SLC12A7: variants seen among roughly 807,000 people sequenced by gnomAD.
The protein encoded by SLC12A7 is K-Cl cotransporter 4.
SLC12A7 carries 100 observed loss-of-function variants against 120.6 expected under a neutral mutation model. The observed-to-expected ratio is 0.83, with a 90% CI of 0.71 to 0.98. The LOEUF (loss-of-function observed/expected upper bound fraction) is 0.98. Ranked by LOEUF, SLC12A7 falls within the 50% of genes least tolerant of loss-of-function variation. The probability of loss-of-function intolerance (pLI) is 0.00; values close to 1 mark genes in which losing one functional copy is unlikely to be tolerated. For synonymous variants in SLC12A7, 760 were observed against 678.0 expected, an observed-to-expected ratio of 1.12 and a Z score of -1.88; for missense variants, 1,373 against 1,548.1, an observed-to-expected ratio of 0.89 and a Z score of 1.90.
chr5:1,145,458 G>T, the SLC12A7 span, among the ~76,000 whole-genome samples: 1 of 152,218 alleles, frequency 6.6e-6, no homozygotes, highest in Non-Finnish European at 1.5e-5. This position sits in a 1 kb window ranked among gnomAD's most constrained non-coding sequence, Gnocchi z 4.4. Context: ...ATCGGAGGCT[G>T]CAGGCTGCCT....
At chr5:1,080,325 C>T (rs1343736164) in intron 9 of SLC12A7, among the ~76,000 whole-genome samples, 1 of 58,452 alleles carries the variant, frequency 1.7e-5, no homozygotes, top group African/African-American at 4.4e-5. Context: ...TGCCCCCACG[C>T]CCTCCACCCA....
intron 1 of SLC12A7, among the ~76,000 whole-genome samples, chr5:1,108,753 G>A (rs1392979670): frequency 6.6e-6 from 1 of 152,242 alleles, no homozygotes; most frequent in Non-Finnish European, 1.5e-5. Flanking sequence ...GCACCCGACA[G>A]GCGAGGACGG....
intron 1 of SLC12A7, 96 bp from the exon 2 acceptor site, chr5:1,094,344 C>CA (rs1740869837): frequency 1.2e-6 from 1 of 811,108 alleles, no homozygotes; most frequent in African/African-American, 1.7e-5. Flanking sequence ...CTCTGGTCCC[C>CA]ACCAGCTGTC....
chr5:1,087,237 A>G lies in SLC12A7; in HGVS notation c.545-204T>C, dbSNP rs4975669. On this transcript the variant is annotated intron_variant, in intron 5 of 23. Coordinates refer to ENST00000264930, the MANE Select transcript of SLC12A7 (RefSeq NM_006598.3). ...CGAGGCTCGGCACACGTTCCACACCAAGAGCACGCGCTCTCATGGACATGA... is the reference window on the plus strand; with the variant it reads ...CGAGGCTCGGCACACGTTCCACACCGAGAGCACGCGCTCTCATGGACATGA... 0.92 allele frequency among the ~76,000 whole-genome samples: 139,497 copies of G among 152,190 alleles called. 65,097 individuals carry two copies. The highest frequency in any genetic ancestry group is 1 in the East Asian group (5,148 of 5,148).
chr5:1,053,651 G>A (rs1005453224), intron 22 of SLC12A7, among the ~76,000 whole-genome samples, 169 bp from the exon 23 acceptor site: 1 of 152,252 alleles, frequency 6.6e-6, no homozygotes, highest in Non-Finnish European at 1.5e-5. Flanking sequence ...GCGGCTCCGA[G>A]CGAAAGGCGC....
At chr5:1,142,888 G>A in the SLC12A7 span, among the ~76,000 whole-genome samples, 6 of 152,052 alleles carry the variant, frequency 3.9e-5, no homozygotes, top group Non-Finnish European at 7.4e-5. Flanking sequence ...AGGTAAGGGG[G>A]AGTAGGTCAG....
rs755960980 is a variant in SLC12A7 at position 1,076,237 on chromosome 5, C to G, written c.1749-1G>C. 4 of 1,606,332 alleles carry G rather than the reference C, an allele frequency of 2.5e-6. No individual in the cohort carries two copies. Among genetic ancestry groups the G allele is most frequent in the Admixed American group, 3.4e-5 (2 of 59,336 alleles). On this transcript the variant is annotated splice_acceptor_variant, in intron 13 of 23. Coordinates refer to ENST00000264930, the MANE Select transcript of SLC12A7 (RefSeq NM_006598.3). LOFTEE classifies it high-confidence loss of function. The stretch of plus-strand genomic sequence containing the variant: ...GAACAGGTAGCACATGAGGAAGAAC[C>G]TGCAGGGACGGCCGGCCACTGATAC...
intron 9 of SLC12A7, 66 bp downstream of exon 9, chr5:1,081,511 G>A: frequency 6.5e-7 from 1 of 1,530,836 alleles, no homozygotes; most frequent in African/African-American, 1.4e-5. Flanking sequence ...GACAGAGCAA[G>A]ACCTTGCCTC....
rs188646618 is a variant in SLC12A7, at chr5:1,062,524, G to A, written c.2739+1320C>T. On this transcript the variant is annotated intron_variant, in intron 20 of 23. Transcript: ENST00000264930. ...TAGGAAAGGTCCTGCAGGGCAAGAG[G>A]AAGAACAACCCCACAGGACAACTGA... 5.7e-3 allele frequency among the ~76,000 whole-genome samples: 872 copies of A among 152,316 alleles called. 6 individuals carry two copies. The highest frequency in any genetic ancestry group is 1.0e-2 in the Non-Finnish European group (677 of 68,020).
Position 1,077,884 on chromosome 5 carries a change from T to G in SLC12A7, c.1578A>C (p.Ala526=). ...GGGCAATGGCCTGCAGTAGGCGCGG[T>G]GCCCCCGTGAGGCTCTGCAGGCCGG... The part of the protein sequence containing the change: ...CGAGLQSLTG[A]PRLLQAIARD... The change falls in exon 12 of 24, where the codon GCA becomes GCC. Residue 526 remains alanine, a synonymous_variant. Transcript: ENST00000264930. 1 of 1,597,936 alleles carries G rather than the reference T, an allele frequency of 6.3e-7. No homozygotes were observed. Among genetic ancestry groups the G allele is most frequent in the Non-Finnish European group, 8.5e-7 (1 of 1,173,124 alleles).
chr5:1,148,685 A>C, the SLC12A7 span, among the ~76,000 whole-genome samples: 5 of 152,180 alleles, frequency 3.3e-5, no homozygotes, highest in Admixed American at 3.3e-4. Context: ...GGGTTTTGTA[A>C]AGTGGGTACA....
chr5:1,083,577 G>A (rs1216250111), intron 8 of SLC12A7, among the ~76,000 whole-genome samples, 168 bp downstream of exon 8: 1 of 152,218 alleles, frequency 6.6e-6, no homozygotes, highest in Non-Finnish European at 1.5e-5. Context: ...GCTCTGCCAG[G>A]GGTGTGTACA....
At position 1,062,367 on chromosome 5, in the gene SLC12A7, C is replaced by A. The variant is rs562674585; in HGVS notation, c.2739+1477G>T. Among the ~76,000 whole-genome samples the A allele has an allele frequency of 2.6e-5, 4 of 152,368 alleles. No homozygotes were observed. The East Asian group carries it at 7.7e-4, about 29-fold the overall frequency. Reference sequence around the variant, plus strand: ...AATAATAACCCCTACAACCTTGAACCCGCAAAGCCTCGTCCAAACAAGACA... The same window carrying A: ...AATAATAACCCCTACAACCTTGAACACGCAAAGCCTCGTCCAAACAAGACA... On this transcript the variant is annotated intron_variant, in intron 20 of 23. Transcript: ENST00000264930.
At chr5:1,141,102 T>C in the SLC12A7 span, among the ~76,000 whole-genome samples, 32 of 152,182 alleles carry the variant, frequency 2.1e-4, no homozygotes, top group Non-Finnish European at 4.0e-4. Flanking sequence ...CCCAGGTCAG[T>C]GTGTGGCTGG....
chr5:1,073,451 T>C (rs183802788), intron 17 of SLC12A7, among the ~76,000 whole-genome samples, 182 bp downstream of exon 17: 211 of 152,208 alleles, frequency 1.4e-3, no homozygotes, highest in African/African-American at 4.9e-3. Flanking sequence ...CTTCCCGGGG[T>C]GCGGCTGGTG....
rs1739113878 is a variant in SLC12A7 at position 1,081,558 on chromosome 5, C to G, written c.1297+19G>C. The G allele has an allele frequency of 1.3e-6, 2 of 1,592,256 alleles. No individual in the cohort carries two copies. Among genetic ancestry groups the G allele is most frequent in the African/African-American group, 1.3e-5 (1 of 74,574 alleles). ...GGAGAGAAAGAAAGAGAAGGGGAAG[C>G]CTGGAGCAGCGGGCTCACCGGTCAC... On this transcript the variant is annotated intron_variant, in intron 9 of 23. Coordinates refer to ENST00000264930, the MANE Select transcript of SLC12A7 (RefSeq NM_006598.3).
In SLC12A7 at chr5:1,075,373, G is replaced by T; in HGVS notation, c.1965C>A (p.Arg655=). 2 of 1,610,678 alleles carry T rather than the reference G, an allele frequency of 1.2e-6. No homozygotes were observed. Among genetic ancestry groups the T allele is most frequent in the Non-Finnish European group, 1.7e-6 (2 of 1,178,272 alleles). The stretch of plus-strand genomic sequence containing the variant: ...TAAGGGGGGCTGACAGCGCTTACCC[G>T]CGGTACTCGATGTACTTGTAGATGC... The part of the protein sequence containing the change: ...AGCIYKYIEY[R]GAEKEWGDGI... The change falls in exon 15 of 24, where the codon CGC becomes CGA. Residue 655 remains arginine (R), a splice_region_variant and synonymous_variant. Transcript: ENST00000264930.
rs1487991332 is a variant in SLC12A7 at position 1,052,187 on chromosome 5, G to A, written c.*173C>T. 3 of 620,276 alleles carry A rather than the reference G, an allele frequency of 4.8e-6. No homozygotes were observed. Among genetic ancestry groups the A allele is most frequent in the Non-Finnish European group, 8.7e-6 (3 of 345,850 alleles). 38.4% of individuals were successfully genotyped at this position (620,276 alleles called of 1,614,324 possible). On this transcript the variant is annotated 3_prime_UTR_variant, in exon 24 of 24. Transcript: ENST00000264930. Reference sequence around the variant, plus strand: ...TGCTGAGCCTGTTAAGGCTGAACAGGAGAGCCCTAGGTGACGGGCCTAGAA... The same window carrying A: ...TGCTGAGCCTGTTAAGGCTGAACAGAAGAGCCCTAGGTGACGGGCCTAGAA...
At chr5:1,075,572 C>G in intron 14 of SLC12A7, 82 bp from the exon 15 acceptor site, 1 of 1,515,430 alleles carries the variant, frequency 6.6e-7, no homozygotes, top group East Asian at 2.3e-5. Context: ...GACACTGCCC[C>G]TCCCTCAGTA....
Sources: allele counts gnomAD v4.1 joint callset (sites outside exome capture counted in the v4.1 genomes callset), GRCh38; gene constraint gnomAD v4.1.1; non-coding constraint Gnocchi (gnomAD v3.1); transcripts MANE v1.5; gene names NCBI Gene and HGNC (gene_info 2026-07-23, HGNC 2026-07-21).